Variants in MSRA observed in about 807,000 individuals in gnomAD.
MSRA encodes mitochondrial peptide methionine sulfoxide reductase.
MSRA carries 54 observed loss-of-function variants against 31.3 expected under a neutral mutation model. The ratio of observed to expected loss-of-function variants is 1.73; its 90% CI spans 1.39 to 2.17. The LOEUF (loss-of-function observed/expected upper bound fraction) is 2.17, where lower values mean the gene tolerates loss of function less well. MSRA is among the 30% of genes most tolerant of loss of function. The pLI is 0.00. For synonymous variants in MSRA, 169 were observed against 116.5 expected, an observed-to-expected ratio of 1.45 and a Z score of -2.90; for missense variants, 507 against 300.9, an observed-to-expected ratio of 1.69 and a Z score of -5.07.
intron 1 of MSRA, among the ~76,000 whole-genome samples, chr8:10,143,564 T>C (rs1802884370): frequency 6.6e-6 from 1 of 152,178 alleles, no homozygotes; most frequent in African/African-American, 2.4e-5. Flanking sequence ...CAAACATTAT[T>C]GCCAGACATA....
chr8:10,211,944 A>C (rs572586754), intron 2 of MSRA, among the ~76,000 whole-genome samples: 108 of 152,282 alleles, frequency 7.1e-4, no homozygotes, highest in African/African-American at 2.6e-3. Flanking sequence ...ATCAAAGCTT[A>C]CTAATTTAAA....
intron 3 of MSRA, among the ~76,000 whole-genome samples, chr8:10,299,264 A>G (rs1340676628): frequency 3.3e-5 from 5 of 152,202 alleles, no homozygotes; most frequent in Middle Eastern, 3.4e-3. Context: ...TGTGGTTTCA[A>G]TGTTTTTCAT....
At chr8:10,295,646 C>G (rs990512931) in intron 3 of MSRA, among the ~76,000 whole-genome samples, 1 of 152,216 alleles carries the variant, frequency 6.6e-6, no homozygotes, top group Non-Finnish European at 1.5e-5. Flanking sequence ...TCATTCTCAA[C>G]TCCAGTCTGA....
chr8:10,275,485 A>G (rs1465609611), intron 3 of MSRA, among the ~76,000 whole-genome samples: 5 of 152,280 alleles, frequency 3.3e-5, no homozygotes, highest in African/African-American at 7.2e-5. Flanking sequence ...AAATGAAAGC[A>G]CAAGAAGCAT....
intron 1 of MSRA, among the ~76,000 whole-genome samples, chr8:10,203,813 C>T (rs940606703): frequency 7.2e-5 from 11 of 152,184 alleles, no homozygotes; most frequent in African/African-American, 2.7e-4. Flanking sequence ...TAGGAGATGA[C>T]AGCTCCAAGC....
intron 1 of MSRA, among the ~76,000 whole-genome samples, chr8:10,102,539 T>A (rs1425199543): frequency 2.6e-5 from 4 of 152,220 alleles, no homozygotes. Flanking sequence ...ATGTTTATAA[T>A]GGCTACTTTC....
chr8:10,275,522 C>A (rs1391137519), intron 3 of MSRA, among the ~76,000 whole-genome samples: 1 of 152,164 alleles, frequency 6.6e-6, no homozygotes, highest in Non-Finnish European at 1.5e-5. Flanking sequence ...CTTTATTGTT[C>A]ATTGGTGAAA....
intron 5 of MSRA, among the ~76,000 whole-genome samples, chr8:10,340,216 G>T (rs745337605): frequency 5.9e-5 from 9 of 152,082 alleles, no homozygotes; most frequent in African/African-American, 1.9e-4. Flanking sequence ...GCAGAGCTTG[G>T]TGCCATTCTC....
intron 1 of MSRA, among the ~76,000 whole-genome samples, chr8:10,113,289 C>CTTGTTTTTTTTTTTTTTTTTTT (rs1467440154): frequency 2.0e-5 from 1 of 50,898 alleles, no homozygotes; most frequent in Non-Finnish European, 3.2e-5. Flanking sequence ...GAAGACAGGT[C>CTTGTTTTTTTTTTTTTTTTTTT]TTCTTTTTTT....
At chr8:10,314,789 T>A (rs959340238) in intron 4 of MSRA, among the ~76,000 whole-genome samples, 7 of 152,232 alleles carry the variant, frequency 4.6e-5, no homozygotes, top group African/African-American at 1.7e-4. Context: ...TGGGATATTA[T>A]GAAGCCATGA....
At chr8:10,426,007 T>C (rs1304429468) in intron 5 of MSRA, among the ~76,000 whole-genome samples, 1 of 152,222 alleles carries the variant, frequency 6.6e-6, no homozygotes, top group African/African-American at 2.4e-5. Context: ...GTCGTCCTTA[T>C]TGTTGTCACC....
intron 1 of MSRA, among the ~76,000 whole-genome samples, chr8:10,061,047 G>C (rs1219181774): frequency 1.3e-5 from 2 of 152,130 alleles, no homozygotes; most frequent in African/African-American, 2.4e-5. Context: ...ATCCTGCCCA[G>C]AGCTCTTTGA....
At chr8:10,281,562 A>T (rs547689333) in intron 3 of MSRA, among the ~76,000 whole-genome samples, 15 of 152,226 alleles carry the variant, frequency 9.9e-5, no homozygotes, top group Non-Finnish European at 1.8e-4. Context: ...AAGTGCAGTG[A>T]ACATAGGAGC....
chr8:10,411,886 CA>C (rs1479645411), intron 5 of MSRA, among the ~76,000 whole-genome samples: 8 of 138,948 alleles, frequency 5.8e-5, no homozygotes, highest in African/African-American at 1.5e-4. Flanking sequence ...AAAACTTTCC[CA>C]GGGGTGGCGA....
At chr8:10,069,597 T>G (rs1797633741) in intron 1 of MSRA, among the ~76,000 whole-genome samples, 1 of 152,224 alleles carries the variant, frequency 6.6e-6, no homozygotes, top group Non-Finnish European at 1.5e-5. Flanking sequence ...GGAGAAACAG[T>G]GTGTCCTCAC....
intron 1 of MSRA, among the ~76,000 whole-genome samples, chr8:10,056,011 G>C (rs1448245987): frequency 6.6e-6 from 1 of 151,780 alleles, no homozygotes. Context: ...CTTATATATA[G>C]ATTTATAAAA....
intron 4 of MSRA, among the ~76,000 whole-genome samples, chr8:10,318,284 A>G (rs1478244534): frequency 6.6e-6 from 1 of 152,176 alleles, no homozygotes; most frequent in Non-Finnish European, 1.5e-5. Context: ...AGGGTTAAGA[A>G]TATCTTCTCC....
chr8:10,227,879 T>C (rs975560435), intron 2 of MSRA, among the ~76,000 whole-genome samples: 7 of 152,230 alleles, frequency 4.6e-5, no homozygotes, highest in African/African-American at 1.7e-4. Flanking sequence ...AGGTGTCTTG[T>C]TGCATTATTT....
intron 1 of MSRA, among the ~76,000 whole-genome samples, chr8:10,181,443 TAAAAAA>T (rs537865249): frequency 2.3e-5 from 3 of 131,730 alleles, no homozygotes; most frequent in African/African-American, 8.1e-5. Flanking sequence ...ATAATAAAAT[TAAAAAA>T]AAAAAAAACA....
Sources: allele counts gnomAD v4.1 joint callset (sites outside exome capture counted in the v4.1 genomes callset), GRCh38; gene constraint gnomAD v4.1.1; transcripts MANE v1.5; gene names NCBI Gene and HGNC (gene_info 2026-07-23, HGNC 2026-07-21).